CCDC178: variants seen among roughly 807,000 people sequenced by gnomAD.
CCDC178 encodes coiled-coil domain-containing protein 178.
A neutral mutation model predicts 117.4 loss-of-function variants in CCDC178; 126 were observed. The observed-to-expected ratio is 1.07, with a 90% CI of 0.93 to 1.24. The LOEUF (loss-of-function observed/expected upper bound fraction) is 1.24. Among genes scored for constraint, CCDC178 ranks in the 50% most tolerant of loss-of-function variants. The pLI is 0.00. For missense variants in CCDC178, 1,030 were observed against 986.9 expected, an observed-to-expected ratio of 1.04 and a Z score of -0.59; for synonymous variants, 283 against 313.4, an observed-to-expected ratio of 0.90 and a Z score of 1.02.
intron 8 of CCDC178, among the ~76,000 whole-genome samples, chr18:33,346,893 G>A (rs923449347): frequency 6.6e-6 from 1 of 152,072 alleles, no homozygotes; most frequent in Admixed American, 6.6e-5. Context: ...GAATTCATTG[G>A]AATTTTGAAA....
At chr18:33,113,494 C>T (rs1786697558) in intron 20 of CCDC178, among the ~76,000 whole-genome samples, 1 of 151,794 alleles carries the variant, frequency 6.6e-6, no homozygotes, top group Admixed American at 6.6e-5. Flanking sequence ...TCACAGCTAC[C>T]TACTAGATGA....
chr18:33,380,879 C>A (rs1045383131), intron 5 of CCDC178, among the ~76,000 whole-genome samples: 2 of 152,174 alleles, frequency 1.3e-5, no homozygotes, highest in Non-Finnish European at 2.9e-5. Flanking sequence ...CGGATTTAGT[C>A]AAGGCCAACA....
At chr18:33,095,015 CTTGT>C in intron 20 of CCDC178, among the ~76,000 whole-genome samples, 1 of 152,038 alleles carries the variant, frequency 6.6e-6, no homozygotes, top group African/African-American at 2.4e-5. Flanking sequence ...ACAACTTTGA[CTTGT>C]TTAACTTTAA....
intron 11 of CCDC178, among the ~76,000 whole-genome samples, chr18:33,311,879 A>G (rs2062348450): frequency 6.6e-6 from 1 of 152,182 alleles, no homozygotes; most frequent in African/African-American, 2.4e-5. Flanking sequence ...AGACTTACCC[A>G]CCAAAATTGC....
intron 21 of CCDC178, among the ~76,000 whole-genome samples, chr18:32,979,580 GA>G (rs2055104570): frequency 6.6e-6 from 1 of 152,164 alleles, no homozygotes; most frequent in African/African-American, 2.4e-5. Context: ...ATTTTATAAA[GA>G]AAGTTACAAA....
At chr18:33,106,617 T>C (rs1369219265) in intron 20 of CCDC178, among the ~76,000 whole-genome samples, 1 of 151,758 alleles carries the variant, frequency 6.6e-6, no homozygotes, top group East Asian at 1.9e-4. Flanking sequence ...GTGTCTTTGA[T>C]AGTTATCAAA....
At chr18:33,000,891 G>A (rs1478513330) in intron 21 of CCDC178, among the ~76,000 whole-genome samples, 2 of 152,156 alleles carry the variant, frequency 1.3e-5, no homozygotes, top group Non-Finnish European at 2.9e-5. Flanking sequence ...AAAAGTTACT[G>A]ATAATAGTAA....
chr18:33,070,243 G>A (rs915727764), intron 21 of CCDC178, among the ~76,000 whole-genome samples: 1 of 151,974 alleles, frequency 6.6e-6, no homozygotes, highest in Non-Finnish European at 1.5e-5. Flanking sequence ...TATTGCAGCA[G>A]TATTCATAAT....
intron 14 of CCDC178, among the ~76,000 whole-genome samples, chr18:33,262,769 C>G (rs1218814496): frequency 1.3e-5 from 2 of 152,130 alleles, no homozygotes; most frequent in Non-Finnish European, 2.9e-5. Context: ...TTAATAACAG[C>G]AATTTTAACA....
chr18:33,067,098 T>G (rs997402306), intron 21 of CCDC178, among the ~76,000 whole-genome samples: 3 of 152,206 alleles, frequency 2.0e-5, no homozygotes, highest in African/African-American at 7.2e-5. Context: ...AGATCATATG[T>G]TACATCACAA....
intron 10 of CCDC178, among the ~76,000 whole-genome samples, chr18:33,331,667 T>C (rs1047192636): frequency 6.6e-6 from 1 of 152,108 alleles, no homozygotes; most frequent in Non-Finnish European, 1.5e-5. Context: ...CCTGACACAT[T>C]GTCACCCAAC....
At chr18:32,974,085 C>G (rs1008578512) in intron 22 of CCDC178, among the ~76,000 whole-genome samples, 7 of 152,096 alleles carry the variant, frequency 4.6e-5, no homozygotes, top group Non-Finnish European at 7.4e-5. Flanking sequence ...AGTTGCTTAT[C>G]TTTCAAATAA....
intron 3 of CCDC178, among the ~76,000 whole-genome samples, chr18:33,401,610 T>G (rs1460592817): frequency 2.0e-5 from 3 of 152,112 alleles, no homozygotes; most frequent in Admixed American, 1.3e-4. Flanking sequence ...TTTAAAATTT[T>G]TCAAAATATA....
At position 33,255,135 on chromosome 18, in the gene CCDC178, C is replaced by T. The variant is rs899389454; in HGVS notation, c.1410-9707G>A. 2.0e-5 allele frequency among the ~76,000 whole-genome samples: 3 copies of T among 152,144 alleles called. No homozygotes were observed. The South Asian group carries it at 6.2e-4, about 32-fold the overall frequency. ...TGTGTCTTTGTACCTGTTCACTTCCCCTTTGACCTTCTCCAGCATGTTCTG... is the reference window on the plus strand; with the variant it reads ...TGTGTCTTTGTACCTGTTCACTTCCTCTTTGACCTTCTCCAGCATGTTCTG... On this transcript the variant is annotated intron_variant, in intron 14 of 22. Transcript: ENST00000383096.
At chr18:33,043,045 T>C (rs550232144) in intron 21 of CCDC178, among the ~76,000 whole-genome samples, 6 of 152,100 alleles carry the variant, frequency 3.9e-5, no homozygotes, top group South Asian at 2.1e-4. Flanking sequence ...CTAGCACTGA[T>C]TACTTAATTT....
chr18:33,051,290 C>T (rs1042285409), intron 21 of CCDC178, among the ~76,000 whole-genome samples: 5 of 152,156 alleles, frequency 3.3e-5, no homozygotes, highest in African/African-American at 1.2e-4. Context: ...TAAGTATCAA[C>T]ACTAGATAAA....
chr18:32,938,115 A>G lies in CCDC178; in HGVS notation c.2524-24T>C, dbSNP rs139945893. 6.7e-6 allele frequency: 10 copies of G among 1,499,216 alleles called. No homozygotes were observed. In the East Asian group the frequency reaches 2.0e-4, roughly 30 times the overall value. 92.9% of individuals were successfully genotyped at this position (1,499,216 alleles called of 1,614,324 possible). A position where few individuals can be genotyped will look rare whatever the true frequency, so the allele number is the denominator to read the frequency against. On this transcript the variant is annotated intron_variant, in intron 22 of 22. Coordinates refer to ENST00000383096, the MANE Select transcript of CCDC178 (RefSeq NM_001105528.4). ...TCCTGTTCAGAAGCAAGAAACAAAC[A>G]AAATCAATAAGTACTCATTAATTAA...
At chr18:33,140,314 A>G (rs182511748) in intron 20 of CCDC178, among the ~76,000 whole-genome samples, 2 of 152,254 alleles carry the variant, frequency 1.3e-5, no homozygotes, top group East Asian at 3.9e-4. Context: ...ACCATCCTCC[A>G]GACCCCAGAA....
chr18:33,387,209 G>T (rs1421651276), intron 5 of CCDC178, among the ~76,000 whole-genome samples: 1 of 152,080 alleles, frequency 6.6e-6, no homozygotes, highest in Admixed American at 6.5e-5. Flanking sequence ...TATCAGAGAG[G>T]ATACAAGCAG....
Sources: allele counts gnomAD v4.1 joint callset (sites outside exome capture counted in the v4.1 genomes callset), GRCh38; gene constraint gnomAD v4.1.1; transcripts MANE v1.5; gene names NCBI Gene and HGNC (gene_info 2026-07-23, HGNC 2026-07-21).